The following ZNF469 variants were observed in gnomAD, a reference collection of about 807,000 sequenced individuals.
ZNF469 encodes zinc finger protein 469.
Under a neutral mutation model 1.0 loss-of-function variants are expected in ZNF469, and 1 was observed. The ratio of observed to expected loss-of-function variants is 1.00; its 90% confidence interval spans 0.35 to 4.73. ZNF469 has a LOEUF of 4.73. Ranked by LOEUF, ZNF469 falls within the 30% of genes most tolerant of loss-of-function variation. The pLI, the probability that ZNF469 is intolerant of heterozygous loss-of-function variation, is 0.16. For synonymous variants in ZNF469, 2,703 were observed against 2,363.4 expected (o/e 1.14, Z -4.17); for missense variants, 6,100 against 5,356.3 (o/e 1.14, Z -4.33).
At chr16:88,402,931 C>G (rs111723034) in intron 1 of ZNF469, among the ~76,000 whole-genome samples, 5 of 152,290 alleles carry the variant, frequency 3.3e-5, no homozygotes, top group African/African-American at 1.2e-4. Flanking sequence ...AGAACCCCCA[C>G]GCCGGGAACA....
chr16:88,216,408 T>G, the ZNF469 span, among the ~76,000 whole-genome samples: 605 of 150,980 alleles, frequency 4.0e-3, 4 homozygotes, highest in Non-Finnish European at 4.5e-3. Flanking sequence ...GCAGGAGAAT[T>G]GCGTGAACCC....
At chr16:88,129,084 G>A in the ZNF469 span, among the ~76,000 whole-genome samples, 4 of 152,230 alleles carry the variant, frequency 2.6e-5, no homozygotes, top group African/African-American at 9.6e-5. Context: ...AGAAACAATC[G>A]GTAATGCAGT....
chr16:88,305,388 A>C, the ZNF469 span, among the ~76,000 whole-genome samples: 369 of 148,696 alleles, frequency 2.5e-3, 1 homozygote, highest in Non-Finnish European at 3.2e-3. Flanking sequence ...GCACACCCTC[A>C]CATGTGCACA....
the ZNF469 span, among the ~76,000 whole-genome samples, chr16:88,310,200 C>T: frequency 1.3e-5 from 2 of 152,088 alleles, no homozygotes; most frequent in African/African-American, 2.4e-5. Context: ...TCAGATTACA[C>T]GGAGGACATC....
the ZNF469 span, among the ~76,000 whole-genome samples, chr16:88,155,637 C>T: frequency 6.6e-6 from 1 of 152,212 alleles, no homozygotes; most frequent in Admixed American, 6.5e-5. Flanking sequence ...GACCAGAACC[C>T]CATTCCTTTG....
chr16:88,148,884 G>A, the ZNF469 span, among the ~76,000 whole-genome samples: 2 of 152,108 alleles, frequency 1.3e-5, no homozygotes, highest in Non-Finnish European at 2.9e-5. Context: ...TTCATGTGTG[G>A]GACACGCTGC....
At chr16:88,379,078 C>T (rs1388650541), upstream of ZNF469, among the ~76,000 whole-genome samples, 1 of 152,196 alleles carries the variant, frequency 6.6e-6, no homozygotes, top group Non-Finnish European at 1.5e-5. Flanking sequence ...CGTGCCTCCC[C>T]CTGCATGGCG....
the ZNF469 span, among the ~76,000 whole-genome samples, chr16:88,220,297 A>C: frequency 6.6e-6 from 1 of 152,192 alleles, no homozygotes. Flanking sequence ...GAAGATACCC[A>C]GTGTGCAGCC....
the ZNF469 span, among the ~76,000 whole-genome samples, chr16:88,371,123 A>C: frequency 6.6e-6 from 1 of 152,258 alleles, no homozygotes; most frequent in African/African-American, 2.4e-5. Flanking sequence ...TAATCTAGTT[A>C]CTGTTTAAGC....
At position 88,431,410 on chromosome 16, in the gene ZNF469, C is replaced by T. The variant is rs771757508; in HGVS notation, c.3940C>T (p.His1314Tyr). 1.2e-5 allele frequency: 19 copies of T among 1,550,280 alleles called. No homozygotes were observed. The South Asian group carries it at 2.1e-4, about 17-fold the overall frequency. Residue 1314 changes from histidine (H) to tyrosine (Y), a missense_variant, in exon 3 of 3, where the codon CAC becomes TAC. His to Tyr is a moderately conservative substitution (Grantham distance 83). Coordinates refer to ENST00000565624, the MANE Select transcript of ZNF469 (RefSeq NM_001367624.2). Reference sequence around the variant, plus strand: ...TGGGGGCACACAGGCCCCAGTCTCCCACAACAGCAAGGACCCCCCTGCCCG... The same window carrying T: ...TGGGGGCACACAGGCCCCAGTCTCCTACAACAGCAAGGACCCCCCTGCCCG... ...GPGGTQAPVS[H>Y]NSKDPPARQP...
At chr16:88,219,976 G>A in the ZNF469 span, among the ~76,000 whole-genome samples, 2 of 152,200 alleles carry the variant, frequency 1.3e-5, no homozygotes, top group African/African-American at 2.4e-5. Context: ...CTCCCCTAGA[G>A]AGAAAGCATC....
chr16:88,422,906 G>A (rs116024056), intron 1 of ZNF469, among the ~76,000 whole-genome samples: 7 of 7,832 alleles, frequency 8.9e-4, no homozygotes, highest in Non-Finnish European at 2.9e-3. Context: ...ACGGACAGAC[G>A]GACGGATGGG....
intron 1 of ZNF469, among the ~76,000 whole-genome samples, chr16:88,403,412 CA>C (rs1904938485): frequency 6.6e-6 from 1 of 152,222 alleles, no homozygotes; most frequent in South Asian, 2.1e-4. Context: ...CTTGTTTGGA[CA>C]GTGGTGGGAT....
chr16:88,161,332 G>A, the ZNF469 span, among the ~76,000 whole-genome samples: 2 of 152,056 alleles, frequency 1.3e-5, no homozygotes, highest in South Asian at 2.1e-4. Context: ...AAACGGCGAC[G>A]ATCTATGGGG....
chr16:88,124,679 G>T, the ZNF469 span, among the ~76,000 whole-genome samples: 1 of 152,182 alleles, frequency 6.6e-6, no homozygotes, highest in African/African-American at 2.4e-5. Context: ...CTGCCTCCCG[G>T]GTTCAAGCGA....
chr16:88,236,335 A>G, the ZNF469 span, among the ~76,000 whole-genome samples: 4 of 152,242 alleles, frequency 2.6e-5, no homozygotes, highest in East Asian at 1.9e-4. Context: ...GTGATGTTAT[A>G]CTAGACTCGG....
chr16:88,245,362 TG>T, the ZNF469 span, among the ~76,000 whole-genome samples: 1 of 152,262 alleles, frequency 6.6e-6, no homozygotes, highest in Admixed American at 6.5e-5. Flanking sequence ...TGCTGCTTGC[TG>T]GAGTCTGGCT....
chr16:88,201,862 A>G, the ZNF469 span, among the ~76,000 whole-genome samples: 7 of 152,182 alleles, frequency 4.6e-5, no homozygotes, highest in Non-Finnish European at 7.3e-5. The surrounding 1 kb of genome is among the most constrained non-coding windows in gnomAD (Gnocchi z 5.0). Flanking sequence ...TCTGAACCCT[A>G]TCATTTGTGT....
chr16:88,135,017 G>T, the ZNF469 span, among the ~76,000 whole-genome samples: 1 of 152,224 alleles, frequency 6.6e-6, no homozygotes, highest in Admixed American at 6.5e-5. Context: ...GCAGCTCCTG[G>T]ACAGGGGTCA....
Sources: gnomAD v4.1 joint callset for allele counts (sites outside exome capture counted in the v4.1 genomes callset) on GRCh38, gnomAD v4.1.1 for gene constraint, Gnocchi (gnomAD v3.1) non-coding constraint, MANE v1.5 for transcripts, NCBI Gene and HGNC (gene_info 2026-07-23, HGNC 2026-07-21) for gene names.